AFF4: variants seen among roughly 807,000 people sequenced by gnomAD.
AFF4 encodes AF4/FMR2 family member 4.
AFF4 carries 13 observed loss-of-function variants against 124.8 expected under a neutral mutation model. The ratio of observed to expected loss-of-function variants is 0.10; its 90% CI spans 0.07 to 0.17. The LOEUF is 0.17. Ranked by LOEUF, AFF4 falls within the 10% of genes least tolerant of loss-of-function variation. The probability of loss-of-function intolerance (pLI) is 1.00; values close to 1 mark genes in which losing one functional copy is unlikely to be tolerated. For missense variants in AFF4, 1,092 were observed against 1,403.8 expected, an observed-to-expected ratio of 0.78 and a Z score of 3.55; for synonymous variants, 477 against 496.1, an observed-to-expected ratio of 0.96 and a Z score of 0.51.
chr5:132,939,674 G>A (rs556358721), intron 1 of AFF4, among the ~76,000 whole-genome samples: 5 of 152,318 alleles, frequency 3.3e-5, no homozygotes, highest in African/African-American at 1.2e-4. Context: ...GCGATGGCAC[G>A]ATCTCGGCTC....
rs1016668768 is a variant in AFF4 at position 132,952,221 on chromosome 5, A to G, written c.-5+11038T>C. Among the ~76,000 whole-genome samples the G allele has an allele frequency of 6.6e-5, 10 of 152,158 alleles. No homozygotes were observed. The South Asian group carries it at 1.9e-3, about 28-fold the overall frequency. On this transcript the variant is annotated intron_variant, in intron 1 of 20. Coordinates refer to ENST00000265343, the MANE Select transcript of AFF4 (RefSeq NM_014423.4). ...CAGCCAAATTACTAATACTTTCCAAAATGCCGTCCGTATCCAATCACTATT... is the reference window on the plus strand; with the variant it reads ...CAGCCAAATTACTAATACTTTCCAAGATGCCGTCCGTATCCAATCACTATT...
At chr5:132,922,594 A>G (rs1368318293) in intron 5 of AFF4, among the ~76,000 whole-genome samples, 1 of 151,418 alleles carries the variant, frequency 6.6e-6, no homozygotes, top group Non-Finnish European at 1.5e-5. Flanking sequence ...ATCCTGGCCA[A>G]CATGGTGAAA....
intron 1 of AFF4, among the ~76,000 whole-genome samples, chr5:132,939,272 T>G (rs1428695165): frequency 6.6e-6 from 1 of 152,132 alleles, no homozygotes; most frequent in South Asian, 2.1e-4. Flanking sequence ...CAAATTGTTT[T>G]GTATGTATAC....
rs763295786 is a variant in AFF4 at position 132,892,316 on chromosome 5, C to T, written c.2485G>A (p.Gly829Ser). ...VPSKDPKTEH[G>S]SRKRTISQSS... Reference sequence around the variant, plus strand: ...TGACTAATAGTCCTCTTCCGAGAGCCATGCTCTGTTTTTGGATCTTTTGAA... The same window carrying T: ...TGACTAATAGTCCTCTTCCGAGAGCTATGCTCTGTTTTTGGATCTTTTGAA... Residue 829 changes from glycine to serine, a missense_variant, in exon 13 of 21, where the codon GGC becomes AGC. By Grantham distance (56) the Gly-to-Ser change is moderately conservative. Around this residue, in one of 11 missense-constraint regions of AFF4, gnomAD observed 293 missense variants for 280.2 expected, o/e 1.05. Transcript: ENST00000265343. 1 of 1,614,112 alleles carries T rather than the reference C, an allele frequency of 6.2e-7. No homozygotes were observed. Among genetic ancestry groups the T allele is most frequent in the South Asian group, 1.1e-5 (1 of 91,082 alleles).
rs1432525905 is a variant in AFF4 at position 132,896,685 on chromosome 5, A to C, written c.1945T>G (p.Ser649Ala). ...KSREIIETDTSSSDSDESESL... is the reference protein window; with the variant it reads ...KSREIIETDTASSDSDESESL... ...TCACTTTCATCTGAATCTGAGGATG[A>C]GGTATCTGTTTCTATGATTTCCCTT... The change falls in exon 11 of 21, where the codon TCA (serine) becomes GCA (alanine). Residue 649 changes from serine to alanine, a missense_variant. By Grantham distance (99) the Ser-to-Ala change is moderately conservative. Transcript: ENST00000265343. 1 of 1,614,062 alleles carries C rather than the reference A, an allele frequency of 6.2e-7. No individual in the cohort carries two copies. Among genetic ancestry groups the C allele is most frequent in the Non-Finnish European group, 8.5e-7 (1 of 1,180,000 alleles).
At position 132,900,421 on chromosome 5, in the gene AFF4, G is replaced by A. The variant is rs944145337; in HGVS notation, c.1134-780C>T. On this transcript the variant is annotated intron_variant, in intron 7 of 20. Coordinates refer to ENST00000265343, the MANE Select transcript of AFF4 (RefSeq NM_014423.4). ...AAAATACAAAAATTAGCCTGGCGTG[G>A]TGGTGGGCACCTGTAATCCTAGCTA... 3.3e-5 allele frequency among the ~76,000 whole-genome samples: 5 copies of A among 152,118 alleles called. No homozygotes were observed. In the South Asian group the frequency reaches 6.2e-4, roughly 19 times the overall value.
At chr5:132,947,372 T>C (rs1258193232) in intron 1 of AFF4, among the ~76,000 whole-genome samples, 1 of 152,180 alleles carries the variant, frequency 6.6e-6, no homozygotes, top group Non-Finnish European at 1.5e-5. Flanking sequence ...CACTCCACTC[T>C]AGGCTGCACA....
intron 4 of AFF4, among the ~76,000 whole-genome samples, chr5:132,929,268 C>T (rs925679702): frequency 6.6e-6 from 1 of 152,106 alleles, no homozygotes; most frequent in Admixed American, 6.6e-5. Flanking sequence ...AAACTCTCAA[C>T]TGAAAATTTG....
intron 1 of AFF4, among the ~76,000 whole-genome samples, chr5:132,944,550 G>A (rs1479992112): frequency 6.6e-6 from 1 of 152,180 alleles, no homozygotes; most frequent in Admixed American, 6.5e-5. Flanking sequence ...AGGAAACTGA[G>A]GTCTGGGGAA....
chr5:132,934,770 G>A lies in AFF4; in HGVS notation c.295C>T (p.His99Tyr), dbSNP rs1210193054. The A allele has an allele frequency of 6.2e-7, 1 of 1,614,000 alleles. No homozygotes were observed. The highest frequency in any genetic ancestry group is 1.3e-5 in the African/African-American group (1 of 74,896). The change falls in exon 3 of 21, where the codon CAT becomes TAT. Residue 99 changes from histidine to tyrosine, a missense_variant. Around this residue, in one of 11 missense-constraint regions of AFF4, gnomAD observed 188 missense variants for 203.0 expected, o/e 0.93. Coordinates refer to ENST00000265343, the MANE Select transcript of AFF4 (RefSeq NM_014423.4). ...KSNPNFFEQR[H>Y]GGSHQSSKWT... The stretch of plus-strand genomic sequence containing the variant: ...TTGCTACTCTGATGAGAGCCTCCAT[G>A]TCTCTGTTCAAAGAAATTTGGGTTA...
intron 2 of AFF4, among the ~76,000 whole-genome samples, chr5:132,936,345 T>C (rs1581320545): frequency 6.6e-6 from 1 of 151,740 alleles, no homozygotes; most frequent in Admixed American, 6.6e-5. Context: ...TGGCAGTTTA[T>C]GAAAATATTA....
At chr5:132,901,820 C>T (rs2150076512) in intron 7 of AFF4, among the ~76,000 whole-genome samples, 1 of 152,234 alleles carries the variant, frequency 6.6e-6, no homozygotes, top group South Asian at 2.1e-4. Flanking sequence ...ACCATGATCT[C>T]AGAGCAAAGG....
intron 5 of AFF4, among the ~76,000 whole-genome samples, chr5:132,905,313 TG>T (rs1464651481): frequency 1.1e-4 from 17 of 152,222 alleles, no homozygotes; most frequent in African/African-American, 4.1e-4. Context: ...CCAGAACAGC[TG>T]TTCCATATGT....
intron 8 of AFF4, 23 bp from the exon 9 acceptor site, chr5:132,899,164 A>C (rs1210321001): frequency 1.1e-5 from 17 of 1,604,274 alleles, no homozygotes; most frequent in Non-Finnish European, 1.4e-5. Flanking sequence ...CATAAGAAAG[A>C]ATCTGTGAAT....
chr5:132,895,889 T>C (rs1051895591), intron 11 of AFF4, among the ~76,000 whole-genome samples: 6 of 149,652 alleles, frequency 4.0e-5, no homozygotes, highest in Admixed American at 3.3e-4. Flanking sequence ...AGCTGGGGCA[T>C]AGAGGTGCAT....
chr5:132,908,776 ATTT>A (rs386405007), intron 5 of AFF4, among the ~76,000 whole-genome samples: 114 of 114,892 alleles, frequency 9.9e-4, no homozygotes, highest in East Asian at 6.1e-3. Flanking sequence ...ATATATATAT[ATTT>A]TTTTTTTTTG....
Position 132,876,361 on chromosome 5 carries a change from TA to T in AFF4, c.*4697del. The T allele has an allele frequency of 4.4e-6, 1 of 228,694 alleles. No homozygotes were observed. The highest frequency in any genetic ancestry group is 8.7e-6 in the Non-Finnish European group (1 of 114,960). 14.2% of individuals were successfully genotyped at this position (228,694 alleles called of 1,614,324 possible). On this transcript the variant is annotated 3_prime_UTR_variant, in exon 21 of 21. Coordinates refer to ENST00000265343, the MANE Select transcript of AFF4 (RefSeq NM_014423.4). ...TTGAAAGGCAGCATTTCCAAATTGA[TA>T]TTTTCCAGAGAGGAACATAGCAGGT...
In AFF4 at chr5:132,898,506, C is replaced by T. The variant is rs1432015315; in HGVS notation, c.1227-114G>A. The T allele has an allele frequency of 2.3e-5, 25 of 1,099,866 alleles. 1 individual carries two copies. The highest frequency in any genetic ancestry group is 4.8e-5 in the African/African-American group (3 of 62,190). The allele number at this position is 1,099,866 out of a possible 1,614,324, so 68.1% of individuals were successfully genotyped here. ...TCTTCTTGTCTTTTTTTTTTTTAGA[C>T]GGAGTCTTGCTCTGTGGCCCAGGCT... On this transcript the variant is annotated intron_variant, in intron 9 of 20. Coordinates refer to ENST00000265343, the MANE Select transcript of AFF4 (RefSeq NM_014423.4).
intron 1 of AFF4, among the ~76,000 whole-genome samples, chr5:132,957,043 A>C (rs968367592): frequency 2.1e-4 from 30 of 145,650 alleles, no homozygotes; most frequent in Admixed American, 1.2e-3. Context: ...AAAAAAAAAA[A>C]AAAAAACAGA....
Sources: allele counts gnomAD v4.1 joint callset (sites outside exome capture counted in the v4.1 genomes callset), GRCh38; gene constraint gnomAD v4.1.1; regional missense constraint gnomAD v4.1.1; transcripts MANE v1.5; gene names NCBI Gene and HGNC (gene_info 2026-07-23, HGNC 2026-07-21).